RCC1: variants seen among roughly 807,000 people sequenced by gnomAD.
The protein encoded by RCC1 is regulator of chromosome condensation 1, also known as regulator of chromosome condensation.
In RCC1, 11 loss-of-function variants were observed where a neutral mutation model predicts 44.4. The ratio of observed to expected loss-of-function variants is 0.25; its 90% CI spans 0.16 to 0.41. The LOEUF is 0.41. Ranked by LOEUF, RCC1 falls within the 10% of genes least tolerant of loss-of-function variation. RCC1 has a pLI of 1.00. For missense variants in RCC1, 386 were observed against 547.1 expected (o/e 0.71, Z 2.94); for synonymous variants, 213 against 216.5 (o/e 0.98, Z 0.14).
chr1:28,507,464 A>G (rs1422393796), intron 1 of RCC1: 3 of 518,680 alleles, frequency 5.8e-6, no homozygotes, highest in Non-Finnish European at 1.2e-5. Flanking sequence ...GTCCCTTTCC[A>G]CAACGTTGGA....
chr1:28,526,896 C>CG (rs1393918298), intron 4 of RCC1: 6 of 715,120 alleles, frequency 8.4e-6, no homozygotes, highest in East Asian at 2.5e-5. Flanking sequence ...GACTCCGTCT[C>CG]GGAAAAAAAA....
In RCC1 at chr1:28,515,036, G is replaced by A. The variant is rs1173108003; in HGVS notation, c.-152-1689G>A. 2.0e-5 allele frequency among the ~76,000 whole-genome samples: 3 copies of A among 152,170 alleles called. No homozygotes were observed. In the East Asian group the frequency reaches 5.8e-4, roughly 29 times the overall value. On this transcript the variant is annotated intron_variant, in intron 3 of 12. Coordinates refer to ENST00000683442, the MANE Select transcript of RCC1 (RefSeq NM_001381865.2). ...CTCACTCCTGTAATTCCAACACTTT[G>A]GGATGCCAAGGCAGGCTGACTGCTG... is the stretch of plus-strand genomic sequence containing the variant.
At chr1:28,535,752 G>A (rs1047674616) in intron 9 of RCC1, 119 bp from the exon 10 acceptor site, 92 of 1,096,712 alleles carry the variant, frequency 8.4e-5, no homozygotes, top group Admixed American at 1.7e-4. Flanking sequence ...ATAAAATAGG[G>A]ATAAGAGTCC....
rs778603001 is a variant in RCC1 at position 28,507,763 on chromosome 1, C to T, written c.-261-365C>T. 238 of 339,090 alleles carry T rather than the reference C, an allele frequency of 7.0e-4. 2 individuals are homozygous for T. Among genetic ancestry groups the T allele is most frequent in the Non-Finnish European group, 1.2e-3 (208 of 172,174 alleles). The allele number at this position is 339,090 out of a possible 1,614,324, so 21.0% of individuals were successfully genotyped here. On this transcript the variant is annotated intron_variant, in intron 1 of 12. Coordinates refer to ENST00000683442, the MANE Select transcript of RCC1 (RefSeq NM_001381865.2). ...CTGGGATTACAGGCCCCCGCCACCA[C>T]GCCAGGCTAATTTTTGTATTTTTAG...
intron 3 of RCC1, among the ~76,000 whole-genome samples, chr1:28,513,781 C>A (rs1172428646): frequency 1.3e-5 from 2 of 152,000 alleles, no homozygotes; most frequent in Non-Finnish European, 2.9e-5. Flanking sequence ...GACAAGGTCT[C>A]ATGATGTTGT....
In RCC1 at chr1:28,538,669, C is replaced by G. The variant is rs1664708502; in HGVS notation, c.*662C>G. 1 of 152,208 alleles carries G rather than the reference C, an allele frequency of 6.6e-6. No homozygotes were observed. The highest frequency in any genetic ancestry group is 2.4e-5 in the African/African-American group (1 of 41,452). The allele number at this position is 152,208 out of a possible 1,614,324, so 9.4% of individuals were successfully genotyped here. ...TCAGGTGTTGCTTGTGTACATCGTA[C>G]CCATCCATTCGGCTTCACCTGCAGC... On this transcript the variant is annotated 3_prime_UTR_variant, in exon 13 of 13. Coordinates refer to ENST00000683442, the MANE Select transcript of RCC1 (RefSeq NM_001381865.2).
intron 4 of RCC1, chr1:28,526,820 C>A: frequency 5.1e-6 from 3 of 593,214 alleles, no homozygotes; most frequent in Non-Finnish European, 9.1e-6. Context: ...TGGCTTGAAC[C>A]CAGGAGGGGG....
At chr1:28,531,443 G>A (rs546857081) in intron 5 of RCC1, among the ~76,000 whole-genome samples, 1 of 151,790 alleles carries the variant, frequency 6.6e-6, no homozygotes, top group East Asian at 2.0e-4. Context: ...CTTAACTCCT[G>A]ACCTCAAGTG....
rs746906074 is a variant in RCC1, at chr1:28,538,178, T to C, written c.*171T>C. 3.9e-6 allele frequency: 2 copies of C among 509,860 alleles called. No homozygotes were observed. Among genetic ancestry groups the C allele is most frequent in the South Asian group, 2.7e-5 (1 of 36,472 alleles). 31.6% of individuals were successfully genotyped at this position (509,860 alleles called of 1,614,324 possible). Reference sequence around the variant, plus strand: ...CTTTTCCTCTTTTCCTTCCTCCTCTTTGGAATTTTCCTGGGACCTACAGAA... The same window carrying C: ...CTTTTCCTCTTTTCCTTCCTCCTCTCTGGAATTTTCCTGGGACCTACAGAA... On this transcript the variant is annotated 3_prime_UTR_variant, in exon 13 of 13. Coordinates refer to ENST00000683442, the MANE Select transcript of RCC1 (RefSeq NM_001381865.2).
At chr1:28,531,271 T>C (rs1333676049) in intron 5 of RCC1, among the ~76,000 whole-genome samples, 3 of 147,960 alleles carry the variant, frequency 2.0e-5, no homozygotes, top group South Asian at 2.1e-4. Flanking sequence ...TTTTCTTTTT[T>C]TTTTTTTTTT....
chr1:28,511,682 G>A (rs1662552883), intron 3 of RCC1, among the ~76,000 whole-genome samples: 1 of 144,396 alleles, frequency 6.9e-6, no homozygotes, highest in Admixed American at 7.0e-5. Flanking sequence ...TTTTTTTTGA[G>A]ATCTAATCTC....
intron 3 of RCC1, among the ~76,000 whole-genome samples, chr1:28,511,623 C>G (rs1401465429): frequency 6.6e-6 from 1 of 151,700 alleles, no homozygotes; most frequent in Non-Finnish European, 1.5e-5. Context: ...CCCACCTCGG[C>G]CTCCCAAAGT....
chr1:28,510,920 A>G (rs1662487996), intron 3 of RCC1: 1 of 152,126 alleles, frequency 6.6e-6, no homozygotes, highest in Non-Finnish European at 1.5e-5. Context: ...TTTTCAATCC[A>G]TATACTCAGG....
intron 3 of RCC1, chr1:28,509,161 A>G: frequency 3.2e-6 from 1 of 312,374 alleles, no homozygotes. Context: ...TTTGTACTAA[A>G]GGCTTTGGAA....
In RCC1 at chr1:28,507,481, G is replaced by C. The variant is rs762240010; in HGVS notation, c.-261-647G>C. ...CCCTTTCCACAACGTTGGAAATAAA[G>C]CTGGGCCTCGTGTCTGCGCCTGCAT... On this transcript the variant is annotated intron_variant, in intron 1 of 12. Transcript: ENST00000683442. 4 of 518,994 alleles carry C rather than the reference G, an allele frequency of 7.7e-6. No individual in the cohort carries two copies. In the East Asian group the frequency reaches 2.2e-4, roughly 28 times the overall value. 32.1% of individuals were successfully genotyped at this position (518,994 alleles called of 1,614,324 possible). A position where few individuals can be genotyped will look rare whatever the true frequency, so the allele number is the denominator to read the frequency against.
chr1:28,507,229 G>T, intron 1 of RCC1: 1 of 427,110 alleles, frequency 2.3e-6, no homozygotes, highest in Non-Finnish European at 4.6e-6. Context: ...TACCAGTCTA[G>T]AAACCGATTT....
intron 3 of RCC1, among the ~76,000 whole-genome samples, chr1:28,511,246 C>T (rs1331984322): frequency 6.6e-6 from 1 of 152,122 alleles, no homozygotes; most frequent in African/African-American, 2.4e-5. Flanking sequence ...AAGTGATAAA[C>T]TACCTCATAG....
In RCC1 at chr1:28,529,903, C is replaced by G. The variant is rs773059138; in HGVS notation, c.37C>G (p.Pro13Ala). The change falls in exon 5 of 13, where the codon CCA becomes GCA. Residue 13 changes from proline (P) to alanine (A), a missense_variant. By Grantham distance (27) the Pro-to-Ala change is conservative. Transcript: ENST00000683442. ...PKRIAKRRSP[P>A]ADAIPKSKKV... ...GCGCATAGCTAAAAGAAGGTCCCCCCCAGCAGATGCCATCCCCAAAAGCAA... is the reference window on the plus strand; with the variant it reads ...GCGCATAGCTAAAAGAAGGTCCCCCGCAGCAGATGCCATCCCCAAAAGCAA... 1 of 1,614,004 alleles carries G rather than the reference C, an allele frequency of 6.2e-7. No individual in the cohort carries two copies. The highest frequency in any genetic ancestry group is 1.7e-5 in the Admixed American group (1 of 59,982).
Position 28,536,448 on chromosome 1 carries a change from C to G in RCC1, c.937+67C>G, listed in dbSNP as rs370822337. The stretch of plus-strand genomic sequence containing the variant: ...TCCCTGGCCTAGGCCTAGCCAGATT[C>G]CTGAGACCATGGTCCTTGGAGCCTG... On this transcript the variant is annotated intron_variant, in intron 11 of 12. Coordinates refer to ENST00000683442, the MANE Select transcript of RCC1 (RefSeq NM_001381865.2). The surrounding 1 kb of genome is among the most constrained non-coding windows in gnomAD (Gnocchi z 4.9). 3.8e-6 allele frequency: 6 copies of G among 1,563,140 alleles called. No homozygotes were observed. The highest frequency in any genetic ancestry group is 5.2e-6 in the Non-Finnish European group (6 of 1,158,398).
Sources: gnomAD v4.1 joint callset for allele counts (sites outside exome capture counted in the v4.1 genomes callset) on GRCh38, gnomAD v4.1.1 for gene constraint, Gnocchi (gnomAD v3.1) non-coding constraint, MANE v1.5 for transcripts, NCBI Gene and HGNC (gene_info 2026-07-23, HGNC 2026-07-21) for gene names.